The following TMEM87B variants were observed in gnomAD, a reference collection of about 807,000 sequenced individuals.
TMEM87B encodes transmembrane protein 87B.
TMEM87B carries 83 observed loss-of-function variants against 80.3 expected under a neutral mutation model. The ratio of observed to expected loss-of-function variants is 1.03; its 90% confidence interval spans 0.87 to 1.24. The LOEUF is 1.24. TMEM87B is among the 50% of genes most tolerant of loss of function. The pLI, the probability that TMEM87B is intolerant of heterozygous loss-of-function variation, is 0.00. For synonymous variants in TMEM87B, 219 were observed against 230.5 expected, an observed-to-expected ratio of 0.95 and a Z score of 0.45; for missense variants, 625 against 674.4, an observed-to-expected ratio of 0.93 and a Z score of 0.81.
Position 112,055,633 on chromosome 2 carries a change from C to T in TMEM87B, c.42C>T (p.Arg14=). ...GCTCGGTAGCCGGGCTCCTGCCACG[C>T]CGCCGCCGCTGCTTTCCCGCCCGGG... is the stretch of plus-strand genomic sequence containing the variant. ...ACRSVAGLLP[R]RRRCFPARAP... is the part of the protein sequence containing the mutation. Residue 14 remains arginine, a synonymous_variant, in exon 1 of 19, where the codon CGC becomes CGT. Coordinates refer to ENST00000283206, the MANE Select transcript of TMEM87B (RefSeq NM_032824.3). The T allele has an allele frequency of 6.5e-7, 1 of 1,549,350 alleles. No homozygotes were observed. Among genetic ancestry groups the T allele is most frequent in the South Asian group, 1.2e-5 (1 of 84,858 alleles).
At chr2:112,068,668 C>T (rs1313231477) in intron 4 of TMEM87B, among the ~76,000 whole-genome samples, 1 of 151,980 alleles carries the variant, frequency 6.6e-6, no homozygotes, top group Non-Finnish European at 1.5e-5. Context: ...CATGCCGCTG[C>T]ACTCCAGCCT....
In TMEM87B at chr2:112,064,201, T is replaced by C; in HGVS notation, c.266T>C (p.Ile89Thr). The C allele has an allele frequency of 1.2e-6, 2 of 1,613,834 alleles. No individual in the cohort carries two copies. Among genetic ancestry groups the C allele is most frequent in the Non-Finnish European group, 1.7e-6 (2 of 1,179,874 alleles). Residue 89 changes from isoleucine to threonine, a missense_variant, in exon 3 of 19, where the codon ATA becomes ACA. By Grantham distance (89) the Ile-to-Thr change is moderately conservative. Coordinates refer to ENST00000283206, the MANE Select transcript of TMEM87B (RefSeq NM_032824.3). The part of the protein sequence containing the change: ...FHCSGPVKFT[I>T]VWHLKYHTCH... ...TGTTCTGGGCCTGTGAAGTTTACCA[T>C]AGTGTGGCATTTGAAGTATCATACC...
intron 4 of TMEM87B, 39 bp downstream of exon 4, chr2:112,067,106 C>A: frequency 6.3e-7 from 1 of 1,598,616 alleles, no homozygotes. Flanking sequence ...TTATTTTATT[C>A]CCAGTGAATA....
chr2:112,057,970 GGT>G (rs934127869), intron 1 of TMEM87B, among the ~76,000 whole-genome samples: 1 of 152,114 alleles, frequency 6.6e-6, no homozygotes, highest in African/African-American at 2.4e-5. Context: ...TGGGATTACA[GGT>G]GTGTGCCACC....
At position 112,081,061 on chromosome 2, in the gene TMEM87B, T is replaced by TCTAA; in HGVS notation, c.599_600insAACT (p.Ser201ThrfsTer63). 6.2e-7 allele frequency: 1 copy of TCTAA among 1,611,976 alleles called. No individual in the cohort carries two copies. The highest frequency in any genetic ancestry group is 8.5e-7 in the Non-Finnish European group (1 of 1,178,906). On this transcript the variant is annotated frameshift_variant, in exon 7 of 19. Coordinates refer to ENST00000283206, the MANE Select transcript of TMEM87B (RefSeq NM_032824.3). LOFTEE classifies it high-confidence loss of function. ...CTCTCTTCTTCTCTATCCTAGTTTCTCTTTCTATGATTGGGCCTCATGGAT... is the reference window on the plus strand; with the variant it reads ...CTCTCTTCTTCTCTATCCTAGTTTCTCTAACTTTCTATGATTGGGCCTCATGGAT...
intron 13 of TMEM87B, among the ~76,000 whole-genome samples, chr2:112,097,823 A>G (rs532826927): frequency 4.1e-5 from 6 of 147,792 alleles, no homozygotes; most frequent in Admixed American, 6.7e-5. Context: ...TTTTTTATAT[A>G]TTTTGAAAAT....
At chr2:112,082,497 T>C (rs1016943446) in intron 8 of TMEM87B, among the ~76,000 whole-genome samples, 2 of 152,218 alleles carry the variant, frequency 1.3e-5, no homozygotes, top group African/African-American at 2.4e-5. Flanking sequence ...AGCTGCATGA[T>C]GGGCACAAGG....
intron 18 of TMEM87B, 58 bp downstream of exon 18, chr2:112,112,987 A>G: frequency 6.6e-7 from 1 of 1,504,414 alleles, no homozygotes; most frequent in Non-Finnish European, 9.1e-7. Flanking sequence ...GTAGAGATGT[A>G]TTTCAGAAAG....
chr2:112,074,824 C>T, intron 4 of TMEM87B, 88 bp from the exon 5 acceptor site: 2 of 1,364,082 alleles, frequency 1.5e-6, no homozygotes, highest in Non-Finnish European at 9.6e-7. Context: ...TTTCATTTTT[C>T]TTCTAACTTT....
At chr2:112,081,980 A>T (rs1679012090) in intron 8 of TMEM87B, among the ~76,000 whole-genome samples, 1 of 152,076 alleles carries the variant, frequency 6.6e-6, no homozygotes, top group Admixed American at 6.5e-5. Context: ...TGCTCTCCCC[A>T]CCTCTTTACT....
chr2:112,068,933 C>T (rs1342237209), intron 4 of TMEM87B, among the ~76,000 whole-genome samples: 1 of 152,030 alleles, frequency 6.6e-6, no homozygotes, highest in Non-Finnish European at 1.5e-5. Flanking sequence ...TGGCTCATGC[C>T]TGTAATCCCA....
At position 112,110,270 on chromosome 2, in the gene TMEM87B, C is replaced by A. The variant is rs555405021; in HGVS notation, c.1577+2430C>A. 2.6e-5 allele frequency among the ~76,000 whole-genome samples: 4 copies of A among 152,206 alleles called. No homozygotes were observed. In the East Asian group the frequency reaches 7.7e-4, roughly 29 times the overall value. ...TGTTGAATTTATTCTCCCTTGGGTG[C>A]CTTGTACTTTTCTGCATCACTGCAC... On this transcript the variant is annotated intron_variant, in intron 17 of 18. Coordinates refer to ENST00000283206, the MANE Select transcript of TMEM87B (RefSeq NM_032824.3).
intron 9 of TMEM87B, among the ~76,000 whole-genome samples, chr2:112,087,210 C>T (rs1030693398): frequency 1.3e-5 from 2 of 152,066 alleles, no homozygotes; most frequent in Non-Finnish European, 1.5e-5. Flanking sequence ...CTTGCTAAGT[C>T]CAGCTTTCCT....
At chr2:112,061,283 GC>G (rs372079368) in intron 2 of TMEM87B, among the ~76,000 whole-genome samples, 64 of 152,258 alleles carry the variant, frequency 4.2e-4, no homozygotes, top group African/African-American at 1.4e-3. Flanking sequence ...AAAATTGGTT[GC>G]CAGAGTTAAA....
intron 5 of TMEM87B, 62 bp downstream of exon 5, chr2:112,075,024 T>C: frequency 1.3e-6 from 2 of 1,541,104 alleles, no homozygotes; most frequent in South Asian, 1.2e-5. Context: ...CTGAAAAAAG[T>C]CGCTGATGGA....
intron 17 of TMEM87B, among the ~76,000 whole-genome samples, chr2:112,110,484 A>C (rs1486743438): frequency 6.6e-6 from 1 of 152,038 alleles, no homozygotes; most frequent in African/African-American, 2.4e-5. Flanking sequence ...TGTTATAACT[A>C]TAGTTTTCTT....
At chr2:112,109,445 G>GA (rs1281878174) in intron 17 of TMEM87B, among the ~76,000 whole-genome samples, 4 of 152,048 alleles carry the variant, frequency 2.6e-5, no homozygotes, top group African/African-American at 9.6e-5. Flanking sequence ...CTTTTTAAAG[G>GA]ATAGTTTTGC....
At chr2:112,116,000 G>A in intron 18 of TMEM87B, 84 bp from the exon 19 acceptor site, 2 of 969,420 alleles carry the variant, frequency 2.1e-6, no homozygotes, top group South Asian at 2.9e-5. Context: ...CCTAAATGTG[G>A]CTGTTGAAAG....
chr2:112,115,856 G>T (rs1573734602), intron 18 of TMEM87B, among the ~76,000 whole-genome samples: 1 of 152,034 alleles, frequency 6.6e-6, no homozygotes, highest in South Asian at 2.1e-4. Flanking sequence ...GGCCGGTCTC[G>T]AACTCCTAGC....
Sources: allele counts gnomAD v4.1 joint callset (sites outside exome capture counted in the v4.1 genomes callset), GRCh38; gene constraint gnomAD v4.1.1; transcripts MANE v1.5; gene names NCBI Gene and HGNC (gene_info 2026-07-23, HGNC 2026-07-21).